The following CUX1 variants were observed in gnomAD, a reference collection of about 807,000 sequenced individuals.
CUX1 encodes cut like homeobox 1.
In CUX1, 31 loss-of-function variants were observed where a neutral mutation model predicts 158.8. That is an observed-to-expected ratio of 0.20 (90% CI 0.15 to 0.26). The LOEUF (loss-of-function observed/expected upper bound fraction) is 0.26. Among genes scored for constraint, CUX1 ranks in the 10% least tolerant of loss-of-function variants. The pLI, the probability that CUX1 is intolerant of heterozygous loss-of-function variation, is 1.00. For synonymous variants in CUX1, 879 were observed against 862.1 expected (o/e 1.02, Z -0.34); for missense variants, 1,589 against 2,014.6 (o/e 0.79, Z 4.04).
Position 102,257,075 on chromosome 7 carries a change from G to T in CUX1, c.*8033G>T. On this transcript the variant is annotated 3_prime_UTR_variant, in exon 24 of 24. Coordinates refer to ENST00000292535, the MANE Select transcript of CUX1 (RefSeq NM_181552.4). ...AGCTCAGCCAGCAGGACACCCAGTT[G>T]TTGCCAATCAGGTGTGAAGGTGAGG... The T allele has an allele frequency of 6.1e-6, 6 of 985,398 alleles. No homozygotes were observed. Among genetic ancestry groups the T allele is most frequent in the Non-Finnish European group, 7.2e-6 (6 of 829,980 alleles). 61.0% of individuals were successfully genotyped at this position (985,398 alleles called of 1,614,324 possible). A position where few individuals can be genotyped will look rare whatever the true frequency, so the allele number is the denominator to read the frequency against.
intron 1 of CUX1, among the ~76,000 whole-genome samples, chr7:101,859,368 AT>A (rs1430014723): frequency 6.6e-6 from 1 of 152,240 alleles, no homozygotes; most frequent in Non-Finnish European, 1.5e-5. Flanking sequence ...AACCTGCGTG[AT>A]TCAGCTTCTT....
Position 102,249,057 on chromosome 7 carries a change from G to T in CUX1, c.*15G>T. 1.6e-6 allele frequency: 2 copies of T among 1,274,134 alleles called. No individual in the cohort carries two copies. The highest frequency in any genetic ancestry group is 6.4e-5 in the East Asian group (2 of 31,462). The allele number at this position is 1,274,134 out of a possible 1,614,324, so 78.9% of individuals were successfully genotyped here. On this transcript the variant is annotated 3_prime_UTR_variant, in exon 24 of 24. Coordinates refer to ENST00000292535, the MANE Select transcript of CUX1 (RefSeq NM_181552.4). ...GGGAGTTCTGAGGGGCCGCGGCCCT[G>T]GGGCGGGCAGCCAGGCTGGGCCGCA...
At chr7:101,849,426 C>G (rs796949549) in intron 1 of CUX1, among the ~76,000 whole-genome samples, 23 of 152,044 alleles carry the variant, frequency 1.5e-4, no homozygotes, top group African/African-American at 5.5e-4. Flanking sequence ...TGAGAACATG[C>G]AGTATTTGGT....
chr7:102,127,189 A>C (rs1436849136), intron 8 of CUX1, among the ~76,000 whole-genome samples: 1 of 152,134 alleles, frequency 6.6e-6, no homozygotes, highest in African/African-American at 2.4e-5. Context: ...CCCCTGATCT[A>C]TATAGTGCTT....
intron 3 of CUX1, among the ~76,000 whole-genome samples, chr7:102,058,334 C>T (rs1175305240): frequency 1.3e-5 from 2 of 152,190 alleles, no homozygotes; most frequent in African/African-American, 4.8e-5. Flanking sequence ...AGTACAGTGG[C>T]ACAATCTCGG....
intron 20 of CUX1, chr7:102,280,942 C>G: frequency 7.2e-7 from 1 of 1,395,956 alleles, no homozygotes; most frequent in South Asian, 1.2e-5. Context: ...GCCCTGCAGC[C>G]CAGGCTGGAG....
At chr7:102,216,681 A>ATT (rs1797199741) in intron 20 of CUX1, among the ~76,000 whole-genome samples, 1 of 24,470 alleles carries the variant, frequency 4.1e-5, no homozygotes, top group African/African-American at 9.4e-5. Flanking sequence ...ACACACACAC[A>ATT]CTCCCCCACA....
At chr7:101,872,535 ATTT>A (rs10715559) in intron 1 of CUX1, among the ~76,000 whole-genome samples, 13 of 145,010 alleles carry the variant, frequency 9.0e-5, no homozygotes, top group Non-Finnish European at 1.4e-4. Context: ...GGCTTCTATG[ATTT>A]TTTTTTTTTT....
intron 2 of CUX1, among the ~76,000 whole-genome samples, chr7:101,921,311 G>A (rs1252163729): frequency 1.3e-5 from 2 of 152,120 alleles, no homozygotes; most frequent in Non-Finnish European, 2.9e-5. Context: ...CTGCGCACAG[G>A]CCTGTCCCTA....
intron 1 of CUX1, among the ~76,000 whole-genome samples, chr7:101,893,182 T>TC (rs1237927835): frequency 1.1e-5 from 1 of 88,728 alleles, no homozygotes; most frequent in Non-Finnish European, 2.0e-5. Context: ...TTTTTTTTTT[T>TC]TTTAAAATAG....
chr7:102,015,757 C>T (rs1818514282), intron 2 of CUX1, among the ~76,000 whole-genome samples: 1 of 152,160 alleles, frequency 6.6e-6, no homozygotes, highest in African/African-American at 2.4e-5. Flanking sequence ...GATCTGAGTT[C>T]ACGTGCTCCT....
At chr7:102,044,435 C>T (rs1378440875) in intron 3 of CUX1, among the ~76,000 whole-genome samples, 5 of 152,036 alleles carry the variant, frequency 3.3e-5, no homozygotes. Flanking sequence ...GGTGATCTGC[C>T]TGCCTTGGCC....
chr7:101,819,540 T>C (rs1248625682), intron 1 of CUX1, among the ~76,000 whole-genome samples: 1 of 152,174 alleles, frequency 6.6e-6, no homozygotes, highest in Non-Finnish European at 1.5e-5. Flanking sequence ...CCCCCTGTTG[T>C]GGAAGTGTGT....
chr7:102,258,109 A>T lies in CUX1; in HGVS notation c.*9067A>T. ...TAGCCATACGATGTTTGTTCTCAGC[A>T]CTGTACAACGGTCCCTATATAATAC... On this transcript the variant is annotated 3_prime_UTR_variant, in exon 24 of 24. Coordinates refer to ENST00000292535, the MANE Select transcript of CUX1 (RefSeq NM_181552.4). The T allele has an allele frequency of 1.0e-6, 1 of 985,324 alleles. No homozygotes were observed. Among genetic ancestry groups the T allele is most frequent in the Non-Finnish European group, 1.2e-6 (1 of 829,900 alleles). The allele number at this position is 985,324 out of a possible 1,614,324, so 61.0% of individuals were successfully genotyped here. A position where few individuals can be genotyped will look rare whatever the true frequency, so the allele number is the denominator to read the frequency against.
At chr7:102,107,317 T>C (rs1830461765) in intron 6 of CUX1, among the ~76,000 whole-genome samples, 2 of 152,078 alleles carry the variant, frequency 1.3e-5, no homozygotes, top group African/African-American at 4.8e-5. Flanking sequence ...GGTGGGTGGA[T>C]CACTTGAGGT....
At chr7:102,265,332 G>A (rs1790724503) in intron 14 of CUX1, among the ~76,000 whole-genome samples, 1 of 147,720 alleles carries the variant, frequency 6.8e-6, no homozygotes, top group Non-Finnish European at 1.5e-5. Context: ...CTCCAGCCTG[G>A]GCAACAAGAG....
rs1804249879 is a variant in CUX1, at chr7:101,916,704, A to G, written c.141+479A>G. The G allele has an allele frequency of 6.4e-6, 1 of 155,236 alleles. No homozygotes were observed. The highest frequency in any genetic ancestry group is 1.4e-5 in the Non-Finnish European group (1 of 69,816). The allele number at this position is 155,236 out of a possible 1,614,324, so 9.6% of individuals were successfully genotyped here. On this transcript the variant is annotated intron_variant, in intron 2 of 23. Transcript: ENST00000292535. The surrounding 1 kb of genome is among the most constrained non-coding windows in gnomAD (Gnocchi z 4.4). ...GCGCCTAACGCTTCTTGTAAAACAG[A>G]CATTTCGCCTGCTAGGCCTTTTAAA...
At position 101,869,973 on chromosome 7, in the gene CUX1, C is replaced by G. The variant is rs895579061; in HGVS notation, c.31-46142C>G. 6.6e-6 allele frequency among the ~76,000 whole-genome samples: 1 copy of G among 151,836 alleles called. No individual in the cohort carries two copies. Among genetic ancestry groups the G allele is most frequent in the East Asian group, 1.9e-4 (1 of 5,138 alleles). On this transcript the variant is annotated intron_variant, in intron 1 of 23. Coordinates refer to ENST00000292535, the MANE Select transcript of CUX1 (RefSeq NM_181552.4). The surrounding 1 kb of genome is among the most constrained non-coding windows in gnomAD (Gnocchi z 4.5). ...TTGGGAAGGCGGCTCCTCGTGCCCCCCCTCTTGTGCCTTCCCTCCCCAGTG... is the reference window on the plus strand; with the variant it reads ...TTGGGAAGGCGGCTCCTCGTGCCCCGCCTCTTGTGCCTTCCCTCCCCAGTG...
At chr7:101,856,720 C>T (rs62463724) in intron 1 of CUX1, among the ~76,000 whole-genome samples, 29,477 of 152,174 alleles carry the variant, frequency 0.19, 3,256 homozygotes, top group Middle Eastern at 0.34. Context: ...TTTTTTTCTA[C>T]GCAGAAACCC....
Sources: gnomAD v4.1 joint callset for allele counts (sites outside exome capture counted in the v4.1 genomes callset) on GRCh38, gnomAD v4.1.1 for gene constraint, Gnocchi (gnomAD v3.1) non-coding constraint, MANE v1.5 for transcripts, NCBI Gene and HGNC (gene_info 2026-07-23, HGNC 2026-07-21) for gene names.